The following TRIM11 variants were observed in gnomAD, a reference collection of about 807,000 sequenced individuals.
The protein encoded by TRIM11 is E3 ubiquitin-protein ligase TRIM11.
In TRIM11, 15 loss-of-function variants were observed where a neutral mutation model predicts 33.4. The ratio of observed to expected loss-of-function variants is 0.45; its 90% confidence interval spans 0.30 to 0.69. TRIM11 has a LOEUF of 0.69. Ranked by LOEUF, TRIM11 falls within the 30% of genes least tolerant of loss-of-function variation. The pLI is 0.08. For synonymous variants in TRIM11, 281 were observed against 302.6 expected (o/e 0.93, Z 0.74); for missense variants, 499 against 667.6 (o/e 0.75, Z 2.78).
rs762550393 is a variant in TRIM11, at chr1:228,406,502, G to C, written c.60C>G (p.Leu20=). ...LQEEATCAIC[L]DYFTDPVMTD... ...TCATCACCGGATCCGTGAAGTAGTC[G>C]AGGCAGATGGCGCAGGTGGCCTCCT... Residue 20 remains leucine, a synonymous_variant, in exon 1 of 6, where the codon CTC becomes CTG. Transcript: ENST00000284551. The surrounding 1 kb of genome is among the most constrained non-coding windows in gnomAD (Gnocchi z 8.2). 5.7e-6 allele frequency: 9 copies of C among 1,583,732 alleles called. No homozygotes were observed. The highest frequency in any genetic ancestry group is 6.9e-6 in the Non-Finnish European group (8 of 1,166,996).
Position 228,397,020 on chromosome 1 carries a change from T to C in TRIM11, c.786A>G (p.Pro262=), listed in dbSNP as rs1047730808. The change falls in exon 5 of 6, where the codon CCA becomes CCG. Residue 262 remains proline, a synonymous_variant. Transcript: ENST00000284551. ...RRVQDVKLQP[P]EVVPMELRTV... ...TCCTCAGCTCCATAGGCACAACTTC[T>C]GGGGGCTGCAGCTTCACATCCTGGA... 1 of 1,613,984 alleles carries C rather than the reference T, an allele frequency of 6.2e-7. No individual in the cohort carries two copies. The highest frequency in any genetic ancestry group is 1.1e-5 in the South Asian group (1 of 91,090).
At position 228,396,882 on chromosome 1, in the gene TRIM11, G is replaced by T. The variant is rs145835362; in HGVS notation, c.859+65C>A. 1.5e-3 allele frequency: 2,243 copies of T among 1,488,230 alleles called. 32 individuals carry two copies. In the African/African-American group the frequency reaches 0.027, roughly 18 times the overall value. The allele number at this position is 1,488,230 out of a possible 1,614,324, so 92.2% of individuals were successfully genotyped here. On this transcript the variant is annotated intron_variant, in intron 5 of 5. Coordinates refer to ENST00000284551, the MANE Select transcript of TRIM11 (RefSeq NM_145214.3). ...TGGCAGGGCACAGAACACGTGGCTG[G>T]CTGCCCAGGTCCTTGGCAGGTCCCC... is the stretch of plus-strand genomic sequence containing the variant.
rs1656440972 is a variant in TRIM11 at position 228,406,824 on chromosome 1, A to G, written c.-263T>C. 9.2e-6 allele frequency: 1 copy of G among 108,546 alleles called. No homozygotes were observed. The highest frequency in any genetic ancestry group is 4.4e-5 in the African/African-American group (1 of 22,626). 6.7% of individuals were successfully genotyped at this position (108,546 alleles called of 1,614,324 possible). A position where few individuals can be genotyped will look rare whatever the true frequency, so the allele number is the denominator to read the frequency against. ...AGGGATCCCGGATGCCGGCAGGAAGAGGAGCCGAGGCGGAAGCAGGAAGCG... is the reference window on the plus strand; with the variant it reads ...AGGGATCCCGGATGCCGGCAGGAAGGGGAGCCGAGGCGGAAGCAGGAAGCG... On this transcript the variant is annotated 5_prime_UTR_variant, in exon 1 of 6. Transcript: ENST00000284551. The surrounding 1 kb of genome is among the most constrained non-coding windows in gnomAD (Gnocchi z 8.2).
rs937765709 is a variant in TRIM11, at chr1:228,406,190, G to A, written c.372C>T (p.Arg124=). ...CGGCCGCGTCCTGCAGCGGCCGCAC[G>A]CGGTGCGCCCAGTGCTCCCCAGAGC... ...CERSGEHWAH[R]VRPLQDAAED... is the part of the protein sequence containing the mutation. The change falls in exon 1 of 6, where the codon CGC becomes CGT. Residue 124 remains arginine, a synonymous_variant. Coordinates refer to ENST00000284551, the MANE Select transcript of TRIM11 (RefSeq NM_145214.3). The surrounding 1 kb of genome is among the most constrained non-coding windows in gnomAD (Gnocchi z 8.2). The A allele has an allele frequency of 2.8e-6, 4 of 1,435,488 alleles. No individual in the cohort carries two copies. The highest frequency in any genetic ancestry group is 3.6e-6 in the Non-Finnish European group (4 of 1,102,978). 88.9% of individuals were successfully genotyped at this position (1,435,488 alleles called of 1,614,324 possible).
rs1450614295 is a variant in TRIM11 at position 228,401,043 on chromosome 1, C to A, written c.656G>T (p.Gly219Val). 2 of 1,611,962 alleles carry A rather than the reference C, an allele frequency of 1.2e-6. No individual in the cohort carries two copies. The highest frequency in any genetic ancestry group is 8.5e-7 in the Non-Finnish European group (1 of 1,179,374). The change falls in exon 3 of 6, where the codon GGC (glycine) becomes GTC (valine). Residue 219 changes from glycine (G) to valine (V), a missense_variant. Transcript: ENST00000284551. This position sits in a 1 kb window ranked among gnomAD's most constrained non-coding sequence, Gnocchi z 6.1. Reference protein sequence around the residue: ...PRLREGAAHLGQQSAHLAELI... With the variant: ...PRLREGAAHLVQQSAHLAELI... ...CTCAGCTAGGTGGGCGCTCTGCTGG[C>A]CTAGGTGGGCTGCGCCCTCCCGCAG...
At position 228,395,881 on chromosome 1, in the gene TRIM11, C is replaced by A. The variant is rs1214136765; in HGVS notation, c.860-629G>T. ...ATGTGAATTAGGGCAGCTGTCCCAACCCTGACCACTCCGATTTCAGATCTA... is the reference window on the plus strand; with the variant it reads ...ATGTGAATTAGGGCAGCTGTCCCAAACCTGACCACTCCGATTTCAGATCTA... On this transcript the variant is annotated intron_variant, in intron 5 of 5. Transcript: ENST00000284551. This position sits in a 1 kb window ranked among gnomAD's most constrained non-coding sequence, Gnocchi z 4.8. 1.3e-5 allele frequency: 2 copies of A among 152,324 alleles called. No individual in the cohort carries two copies. The allele number at this position is 152,324 out of a possible 1,614,324, so 9.4% of individuals were successfully genotyped here.
intron 3 of TRIM11, among the ~76,000 whole-genome samples, chr1:228,398,891 G>T (rs2075007441): frequency 6.6e-6 from 1 of 152,080 alleles, no homozygotes; most frequent in Non-Finnish European, 1.5e-5. Flanking sequence ...GGGCTTGGGG[G>T]TAGAGGAGAA....
In TRIM11 at chr1:228,400,161, G is replaced by A. The variant is rs541419527; in HGVS notation, c.735+803C>T. Reference sequence around the variant, plus strand: ...ATTGCCCAGGGGCCCATTTCCCTCTGAATCTTGGGGCCCCTTGAGTCTACA... The same window carrying A: ...ATTGCCCAGGGGCCCATTTCCCTCTAAATCTTGGGGCCCCTTGAGTCTACA... On this transcript the variant is annotated intron_variant, in intron 3 of 5. Coordinates refer to ENST00000284551, the MANE Select transcript of TRIM11 (RefSeq NM_145214.3). The surrounding 1 kb of genome is among the most constrained non-coding windows in gnomAD (Gnocchi z 4.5). Among the ~76,000 whole-genome samples, 1 of 151,538 alleles carries A rather than the reference G, an allele frequency of 6.6e-6. No homozygotes were observed. Among genetic ancestry groups the A allele is most frequent in the East Asian group, 2.0e-4 (1 of 5,036 alleles).
Position 228,394,733 on chromosome 1 carries a change from C to A in TRIM11, c.1379G>T (p.Gly460Val), listed in dbSNP as rs2074962951. 6.2e-7 allele frequency: 1 copy of A among 1,609,302 alleles called. No individual in the cohort carries two copies. The highest frequency in any genetic ancestry group is 8.5e-7 in the Non-Finnish European group (1 of 1,176,606). The part of the protein sequence containing the change: ...TPMTICRPKG[G>V]SGDTLAPQ Reference sequence around the variant, plus strand: ...CTGGGGAGCCAGGGTGTCCCCGGACCCACCTTTCGGCCGGCAGATAGTCAT... The same window carrying A: ...CTGGGGAGCCAGGGTGTCCCCGGACACACCTTTCGGCCGGCAGATAGTCAT... The change falls in exon 6 of 6, where the codon GGG becomes GTG. Residue 460 changes from glycine (G) to valine (V), a missense_variant. By Grantham distance (109) the Gly-to-Val change is moderately radical (BLOSUM62 -3). Coordinates refer to ENST00000284551, the MANE Select transcript of TRIM11 (RefSeq NM_145214.3). The surrounding 1 kb of genome is among the most constrained non-coding windows in gnomAD (Gnocchi z 6.2).
chr1:228,400,911 T>C lies in TRIM11; in HGVS notation c.735+53A>G, dbSNP rs760380529. ...CACTTTCTGGTTCTCCCTCCCCCAG[T>C]GTGGCCAGGCCATGCCCGTGTGGCC... On this transcript the variant is annotated intron_variant, in intron 3 of 5. Transcript: ENST00000284551. This position sits in a 1 kb window ranked among gnomAD's most constrained non-coding sequence, Gnocchi z 4.5. The C allele has an allele frequency of 4.1e-6, 6 of 1,459,012 alleles. No homozygotes were observed. Among genetic ancestry groups the C allele is most frequent in the Middle Eastern group, 2.5e-4 (1 of 4,048 alleles). The allele number at this position is 1,459,012 out of a possible 1,614,324, so 90.4% of individuals were successfully genotyped here. A position where few individuals can be genotyped will look rare whatever the true frequency, so the allele number is the denominator to read the frequency against.
Position 228,396,992 on chromosome 1 carries a change from C to T in TRIM11, c.814G>A (p.Val272Met), listed in dbSNP as rs556121742. 8.7e-6 allele frequency: 14 copies of T among 1,613,976 alleles called. No homozygotes were observed. Among genetic ancestry groups the T allele is most frequent in the East Asian group, 4.5e-5 (2 of 44,860 alleles). Residue 272 changes from valine to methionine, a missense_variant, in exon 5 of 6, where the codon GTG (valine) becomes ATG (methionine). By Grantham distance (21) the Val-to-Met change is conservative (BLOSUM62 1). Coordinates refer to ENST00000284551, the MANE Select transcript of TRIM11 (RefSeq NM_145214.3). ...PEVVPMELRTVCRVPGLVETL... is the reference protein window; with the variant it reads ...PEVVPMELRTMCRVPGLVETL... ...TCTACCAGTCCCGGGACCCTGCACA[C>T]GGTCCTCAGCTCCATAGGCACAACT...
chr1:228,393,678 G>A lies in TRIM11; in HGVS notation c.*1027C>T, dbSNP rs2074952536. On this transcript the variant is annotated 3_prime_UTR_variant, in exon 6 of 6. Transcript: ENST00000284551. ...TAAGCAGGCACCAGCAGGATGACTT[G>A]TAGACAACAGCCAAAGTTTATTTAA... is the stretch of plus-strand genomic sequence containing the variant. 1.3e-5 allele frequency: 2 copies of A among 152,370 alleles called. No individual in the cohort carries two copies. Among genetic ancestry groups the A allele is most frequent in the South Asian group, 4.1e-4 (2 of 4,826 alleles). The allele number at this position is 152,370 out of a possible 1,614,324, so 9.4% of individuals were successfully genotyped here.
Position 228,394,461 on chromosome 1 carries a change from G to T in TRIM11, c.*244C>A. The T allele has an allele frequency of 1.9e-6, 1 of 532,330 alleles. No homozygotes were observed. The highest frequency in any genetic ancestry group is 3.3e-6 in the Non-Finnish European group (1 of 305,076). 33.0% of individuals were successfully genotyped at this position (532,330 alleles called of 1,614,324 possible). ...GCTCCCAGCTTTGGTAAGGGCTGTT[G>T]GCATTAAGTGGCACCCGGTGGCTGG... On this transcript the variant is annotated 3_prime_UTR_variant, in exon 6 of 6. Coordinates refer to ENST00000284551, the MANE Select transcript of TRIM11 (RefSeq NM_145214.3). The surrounding 1 kb of genome is among the most constrained non-coding windows in gnomAD (Gnocchi z 6.2).
chr1:228,394,986 C>T lies in TRIM11; in HGVS notation c.1126G>A (p.Gly376Ser), dbSNP rs1460345352. 3.1e-6 allele frequency: 5 copies of T among 1,614,144 alleles called. No homozygotes were observed. Among genetic ancestry groups the T allele is most frequent in the East Asian group, 2.2e-5 (1 of 44,868 alleles). Residue 376 changes from glycine (G) to serine (S), a missense_variant, in exon 6 of 6, where the codon GGC (glycine) becomes AGC (serine). Transcript: ENST00000284551. This position sits in a 1 kb window ranked among gnomAD's most constrained non-coding sequence, Gnocchi z 6.2. ...CCCAGGAAGACCAGGATCCAGAAGC[C>T]GTTGCCCGCGGACAGCTCGCCCTTC... ...KEKGELSAGN[G>S]FWILVFLGSY...
chr1:228,405,278 T>A (rs1558449350), intron 1 of TRIM11: 1 of 152,254 alleles, frequency 6.6e-6, no homozygotes, highest in African/African-American at 2.4e-5. Flanking sequence ...TCCCAGAAGT[T>A]TGCTCTGTGA....
chr1:228,402,100 TG>T lies in TRIM11; in HGVS notation c.469del (p.Gln157LysfsTer62). On this transcript the variant is annotated frameshift_variant, in exon 2 of 6. Coordinates refer to ENST00000284551, the MANE Select transcript of TRIM11 (RefSeq NM_145214.3). LOFTEE classifies it high-confidence loss of function. ...GACGCAGGTCTCATCCGCCTGGGCTTGGAACAGCAACGCATCCTGCATCTGC... is the reference window on the plus strand; with the variant it reads ...GACGCAGGTCTCATCCGCCTGGGCTTGAACAGCAACGCATCCTGCATCTGC... ...RKQMQDALLF[Q>X]AQADETCVLW... 1 of 1,613,294 alleles carries T rather than the reference TG, an allele frequency of 6.2e-7. No individual in the cohort carries two copies. Among genetic ancestry groups the T allele is most frequent in the East Asian group, 2.2e-5 (1 of 44,848 alleles).
intron 1 of TRIM11, chr1:228,402,388 A>G: frequency 2.3e-6 from 1 of 434,242 alleles, no homozygotes; most frequent in Non-Finnish European, 4.1e-6. Flanking sequence ...TTTTTCTCAT[A>G]TGGGGCATTT....
In TRIM11 at chr1:228,400,273, C is replaced by G. The variant is rs919450049; in HGVS notation, c.735+691G>C. On this transcript the variant is annotated intron_variant, in intron 3 of 5. Coordinates refer to ENST00000284551, the MANE Select transcript of TRIM11 (RefSeq NM_145214.3). This position sits in a 1 kb window ranked among gnomAD's most constrained non-coding sequence, Gnocchi z 4.5. ...GGAAGATGATAGCAGACACTCCCAG[C>G]CCACACGGGGCCTCTCAGCATGGGA... Among the ~76,000 whole-genome samples, 1 of 152,242 alleles carries G rather than the reference C, an allele frequency of 6.6e-6. No individual in the cohort carries two copies. Among genetic ancestry groups the G allele is most frequent in the Non-Finnish European group, 1.5e-5 (1 of 68,044 alleles).
intron 3 of TRIM11, among the ~76,000 whole-genome samples, chr1:228,398,003 CTG>C (rs1488311045): frequency 1.3e-5 from 2 of 152,308 alleles, no homozygotes; most frequent in Non-Finnish European, 2.9e-5. Flanking sequence ...CAATCAGTCT[CTG>C]CTGGGGAAGC....
Sources: allele counts gnomAD v4.1 joint callset (sites outside exome capture counted in the v4.1 genomes callset), GRCh38; gene constraint gnomAD v4.1.1; non-coding constraint Gnocchi (gnomAD v3.1); transcripts MANE v1.5; gene names NCBI Gene and HGNC (gene_info 2026-07-23, HGNC 2026-07-21).